The following MLXIP variants were observed in gnomAD, a reference collection of about 807,000 sequenced individuals.
MLXIP encodes the protein MLX interacting protein.
Under a neutral mutation model 87.2 loss-of-function variants are expected in MLXIP, and 30 were observed. That is an observed-to-expected ratio of 0.34 (90% confidence interval 0.26 to 0.47). The LOEUF (loss-of-function observed/expected upper bound fraction) is 0.47. Ranked by LOEUF, MLXIP falls within the 20% of genes least tolerant of loss-of-function variation. MLXIP has a pLI of 1.00. For synonymous variants in MLXIP, 530 were observed against 514.0 expected (o/e 1.03, Z -0.42); for missense variants, 1,002 against 1,240.1 (o/e 0.81, Z 2.88).
At position 122,079,062 on chromosome 12, in the gene MLXIP, C is replaced by T; in HGVS notation, c.209C>T (p.Pro70Leu). 2.0e-6 allele frequency: 3 copies of T among 1,520,758 alleles called. No individual in the cohort carries two copies. The highest frequency in any genetic ancestry group is 2.6e-6 in the Non-Finnish European group (3 of 1,136,194). 94.2% of individuals were successfully genotyped at this position (1,520,758 alleles called of 1,614,324 possible). A position where few individuals can be genotyped will look rare whatever the true frequency, so the allele number is the denominator to read the frequency against. Reference sequence around the variant, plus strand: ...CGGGCCGGGCCGGGCCGCGAGGAACCTCCGCGCCGCCAGCAGATCATCCAC... The same window carrying T: ...CGGGCCGGGCCGGGCCGCGAGGAACTTCCGCGCCGCCAGCAGATCATCCAC... ...PPRAGPGREE[P>L]PRRQQIIHSG... The change falls in exon 1 of 17, where the codon CCT becomes CTT. Residue 70 changes from proline (P) to leucine (L), a missense_variant. Pro to Leu is a moderately conservative substitution (Grantham distance 98). Around this residue, in one of 3 missense-constraint regions of MLXIP, gnomAD observed 129 missense variants for 104.2 expected, o/e 1.24. Transcript: ENST00000319080.
At chr12:122,141,534 C>A in intron 16 of MLXIP, 157 bp from the exon 17 acceptor site, 1 of 798,184 alleles carries the variant, frequency 1.3e-6, no homozygotes, top group Non-Finnish European at 1.5e-6. Flanking sequence ...GTGCCCAGGT[C>A]TCGGTGTCGG....
Position 122,142,109 on chromosome 12 carries a change from G to A in MLXIP, c.*297G>A. 1 of 701,324 alleles carries A rather than the reference G, an allele frequency of 1.4e-6. No individual in the cohort carries two copies. The highest frequency in any genetic ancestry group is 2.6e-6 in the Non-Finnish European group (1 of 385,462). The allele number at this position is 701,324 out of a possible 1,614,324, so 43.4% of individuals were successfully genotyped here. A position where few individuals can be genotyped will look rare whatever the true frequency, so the allele number is the denominator to read the frequency against. On this transcript the variant is annotated 3_prime_UTR_variant, in exon 17 of 17. Coordinates refer to ENST00000319080, the MANE Select transcript of MLXIP (RefSeq NM_014938.6). ...ACAAAAGGGAAGTGCTGGCCGTGCT[G>A]GTCCTGCCCTGCTGGTGGCCTGCCG...
At chr12:122,138,066 C>A in intron 12 of MLXIP, 128 bp from the exon 13 acceptor site, 1 of 728,064 alleles carries the variant, frequency 1.4e-6, no homozygotes, top group South Asian at 1.9e-5. Context: ...AGCTTCTCGT[C>A]GTGCCCTCCT....
intron 1 of MLXIP, among the ~76,000 whole-genome samples, chr12:122,111,019 G>C (rs558714741): frequency 2.0e-5 from 3 of 149,882 alleles, no homozygotes; most frequent in Admixed American, 6.7e-5. Flanking sequence ...GGAGCTTGCA[G>C]TGAGCCGAGA....
chr12:122,127,921 A>T lies in MLXIP; in HGVS notation c.559A>T (p.Thr187Ser). 1 of 1,613,740 alleles carries T rather than the reference A, an allele frequency of 6.2e-7. No individual in the cohort carries two copies. The highest frequency in any genetic ancestry group is 8.5e-7 in the Non-Finnish European group (1 of 1,179,780). The change falls in exon 3 of 17, where the codon ACA (threonine) becomes TCA (serine). Residue 187 changes from threonine to serine, a missense_variant. By Grantham distance (58) the Thr-to-Ser change is moderately conservative. Around this residue, in one of 3 missense-constraint regions of MLXIP, gnomAD observed 127 missense variants for 239.0 expected, o/e 0.53. Transcript: ENST00000319080. Reference sequence around the variant, plus strand: ...CAAGAATCCTGTGTGCCACTTTGTGACACCCCTGGACGGCTCTGTGGACGT... The same window carrying T: ...CAAGAATCCTGTGTGCCACTTTGTGTCACCCCTGGACGGCTCTGTGGACGT... ...KRKNPVCHFV[T>S]PLDGSVDVDE...
chr12:122,089,624 A>ATT (rs949221176), intron 1 of MLXIP, among the ~76,000 whole-genome samples: 1 of 148,002 alleles, frequency 6.8e-6, no homozygotes, highest in Non-Finnish European at 1.5e-5. Context: ...AGGTTCAGTG[A>ATT]TTTTTTTTTT....
At position 122,094,394 on chromosome 12, in the gene MLXIP, GGT is replaced by G. The variant is rs1323793893; in HGVS notation, c.413+15134_413+15135del. Among the ~76,000 whole-genome samples, 190 of 141,704 alleles carry G rather than the reference GGT, an allele frequency of 1.3e-3. 2 individuals carry two copies. The highest frequency in any genetic ancestry group is 2.0e-3 in the Admixed American group (29 of 14,256). The allele number at this position is 141,704 out of a possible 152,430, so 93.0% of individuals were successfully genotyped here. ...ATGTTTGCAGTGTCTGTGTGGTGTT[GGT>G]GTGTGGTGTGTGTGGTGTGTGTGGG... is the stretch of plus-strand genomic sequence containing the variant. On this transcript the variant is annotated intron_variant, in intron 1 of 16. Coordinates refer to ENST00000319080, the MANE Select transcript of MLXIP (RefSeq NM_014938.6).
In MLXIP at chr12:122,113,770, C is replaced by T. The variant is rs1378527380; in HGVS notation, c.414-13486C>T. 3.5e-5 allele frequency among the ~76,000 whole-genome samples: 5 copies of T among 143,024 alleles called. No homozygotes were observed. In the East Asian group the frequency reaches 8.6e-4, roughly 25 times the overall value. 93.8% of individuals were successfully genotyped at this position (143,024 alleles called of 152,430 possible). On this transcript the variant is annotated intron_variant, in intron 1 of 16. Transcript: ENST00000319080. ...TACGATCTCAGCTCAGTGCAAGCTCCGCCTCCCAGGTTCATGCCATTCTCC... is the reference window on the plus strand; with the variant it reads ...TACGATCTCAGCTCAGTGCAAGCTCTGCCTCCCAGGTTCATGCCATTCTCC...
intron 1 of MLXIP, among the ~76,000 whole-genome samples, chr12:122,125,820 C>G (rs1952872989): frequency 6.6e-6 from 1 of 152,184 alleles, no homozygotes; most frequent in East Asian, 1.9e-4. Flanking sequence ...CCTGTATTGC[C>G]CAAAGCCTGG....
intron 1 of MLXIP, among the ~76,000 whole-genome samples, chr12:122,080,429 A>G (rs547775508): frequency 1.7e-4 from 26 of 152,294 alleles, no homozygotes; most frequent in South Asian, 4.1e-4. Context: ...TGTGAGCCCC[A>G]AGCATATCCA....
chr12:122,086,363 G>T (rs145443933), intron 1 of MLXIP, among the ~76,000 whole-genome samples: 1 of 152,184 alleles, frequency 6.6e-6, no homozygotes, highest in African/African-American at 2.4e-5. Flanking sequence ...GAGCTATGCC[G>T]TGGGTCCTCG....
Position 122,146,784 on chromosome 12 carries a change from T to G in MLXIP, c.*4972T>G, listed in dbSNP as rs544332828. 6.6e-6 allele frequency: 1 copy of G among 152,366 alleles called. No homozygotes were observed. The highest frequency in any genetic ancestry group is 6.5e-5 in the Admixed American group (1 of 15,302). 9.4% of individuals were successfully genotyped at this position (152,366 alleles called of 1,614,324 possible). ...GTGTAGCTCATTTGAAGGACTCTCT[T>G]CTGCGTTTCCTAACAGTTATTTGGT... On this transcript the variant is annotated 3_prime_UTR_variant, in exon 17 of 17. Transcript: ENST00000319080.
At position 122,142,405 on chromosome 12, in the gene MLXIP, G is replaced by C. The variant is rs1953226153; in HGVS notation, c.*593G>C. On this transcript the variant is annotated 3_prime_UTR_variant, in exon 17 of 17. Coordinates refer to ENST00000319080, the MANE Select transcript of MLXIP (RefSeq NM_014938.6). ...GCCAGGGGGAAGTGCCTTCTTCAGA[G>C]GTCCTCCAGGACACATGTGTGCAGA... 3 of 477,410 alleles carry C rather than the reference G, an allele frequency of 6.3e-6. No individual in the cohort carries two copies. Among genetic ancestry groups the C allele is most frequent in the Non-Finnish European group, 1.2e-5 (3 of 244,898 alleles). 29.6% of individuals were successfully genotyped at this position (477,410 alleles called of 1,614,324 possible).
Position 122,090,212 on chromosome 12 carries a change from C to T in MLXIP, c.413+10946C>T, listed in dbSNP as rs576741879. Among the ~76,000 whole-genome samples the T allele has an allele frequency of 1.1e-4, 16 of 152,220 alleles. No homozygotes were observed. The South Asian group carries it at 2.3e-3, about 22-fold the overall frequency. Reference sequence around the variant, plus strand: ...TTATGTTGAATGAAATAAGCCTTACCCAGCCGGGTGTGGTGACTCACGCCT... The same window carrying T: ...TTATGTTGAATGAAATAAGCCTTACTCAGCCGGGTGTGGTGACTCACGCCT... On this transcript the variant is annotated intron_variant, in intron 1 of 16. Transcript: ENST00000319080.
chr12:122,111,475 AC>A (rs1167231161), intron 1 of MLXIP, among the ~76,000 whole-genome samples: 1 of 152,178 alleles, frequency 6.6e-6, no homozygotes, highest in Non-Finnish European at 1.5e-5. Context: ...CAACTGAATT[AC>A]CTTTTTATGA....
At chr12:122,080,955 G>C (rs377484373) in intron 1 of MLXIP, among the ~76,000 whole-genome samples, 1 of 152,056 alleles carries the variant, frequency 6.6e-6, no homozygotes, top group Non-Finnish European at 1.5e-5. Flanking sequence ...TGAGTCACGG[G>C]GGGCATGGAC....
intron 1 of MLXIP, among the ~76,000 whole-genome samples, chr12:122,098,573 G>A (rs527336383): frequency 3.9e-5 from 6 of 152,348 alleles, no homozygotes; most frequent in African/African-American, 1.4e-4. Context: ...TCCTGGAAGG[G>A]CAGCTGGCCT....
chr12:122,134,979 A>G (rs563396630), intron 9 of MLXIP: 16 of 424,022 alleles, frequency 3.8e-5, no homozygotes, highest in Admixed American at 3.3e-4. Context: ...CAGCCTCTCT[A>G]TCTTTTTTTT....
At chr12:122,129,059 C>T (rs916157411) in intron 3 of MLXIP, 78 bp from the exon 4 acceptor site, 37 of 1,213,406 alleles carry the variant, frequency 3.0e-5, no homozygotes, top group African/African-American at 2.3e-4. Context: ...ATTATAGTGC[C>T]GGATACTCAG....
Sources: allele counts gnomAD v4.1 joint callset (sites outside exome capture counted in the v4.1 genomes callset), GRCh38; gene constraint gnomAD v4.1.1; regional missense constraint gnomAD v4.1.1; transcripts MANE v1.5; gene names NCBI Gene and HGNC (gene_info 2026-07-23, HGNC 2026-07-21).